Variants in TYR observed in about 807,000 individuals in gnomAD.
TYR encodes tyrosinase, also known as LB24-AB.
A neutral mutation model predicts 51.5 loss-of-function variants in TYR; 58 were observed. The ratio of observed to expected loss-of-function variants is 1.13; its 90% CI spans 0.91 to 1.40. The LOEUF (loss-of-function observed/expected upper bound fraction) is 1.40. Ranked by LOEUF, TYR falls within the 40% of genes most tolerant of loss-of-function variation. The pLI is 0.00. For synonymous variants in TYR, 263 were observed against 235.2 expected (o/e 1.12, Z -1.08); for missense variants, 732 against 647.4 (o/e 1.13, Z -1.42).
At chr11:89,192,382 G>C (rs1390639122) in intron 2 of TYR, among the ~76,000 whole-genome samples, 2 of 152,028 alleles carry the variant, frequency 1.3e-5, no homozygotes, top group African/African-American at 4.8e-5. Flanking sequence ...ACTGACTTGT[G>C]GCAAGGCAGA....
chr11:89,242,878 G>C (rs1417205292), intron 3 of TYR, among the ~76,000 whole-genome samples: 1 of 152,186 alleles, frequency 6.6e-6, no homozygotes, highest in East Asian at 1.9e-4. Context: ...AGGGAGCATA[G>C]TGTGGTAATG....
chr11:89,219,789 T>C (rs1413545242), intron 2 of TYR, among the ~76,000 whole-genome samples: 1 of 152,144 alleles, frequency 6.6e-6, no homozygotes, highest in Non-Finnish European at 1.5e-5. Flanking sequence ...CCTGGAGTCC[T>C]GTGATAGGAA....
intron 3 of TYR, among the ~76,000 whole-genome samples, chr11:89,255,987 C>T (rs1944386602): frequency 6.6e-6 from 1 of 151,488 alleles, no homozygotes; most frequent in African/African-American, 2.4e-5. Context: ...TAAACAGTGG[C>T]ATTTTACTTC....
intron 3 of TYR, among the ~76,000 whole-genome samples, chr11:89,281,842 A>G (rs1452058854): frequency 6.6e-6 from 1 of 151,682 alleles, no homozygotes; most frequent in Non-Finnish European, 1.5e-5. Context: ...ACATTTTTCT[A>G]ATTTTTCTGT....
intron 2 of TYR, chr11:89,200,583 T>G (rs1295522012): frequency 6.6e-6 from 1 of 152,100 alleles, no homozygotes; most frequent in African/African-American, 2.4e-5. Flanking sequence ...AAAAAGATCT[T>G]GCATATTTGT....
chr11:89,212,468 C>T (rs987016302), intron 2 of TYR, among the ~76,000 whole-genome samples: 8 of 152,072 alleles, frequency 5.3e-5, no homozygotes, highest in African/African-American at 1.9e-4. Context: ...TAAAAAAAGT[C>T]CAGGATCAGA....
At chr11:89,226,698 G>A (rs550721489) in intron 2 of TYR, among the ~76,000 whole-genome samples, 24 of 152,224 alleles carry the variant, frequency 1.6e-4, no homozygotes, top group African/African-American at 5.3e-4. Flanking sequence ...AGTTCTACTT[G>A]TATGAAATAA....
intron 3 of TYR, among the ~76,000 whole-genome samples, chr11:89,236,601 C>T (rs1944117540): frequency 6.6e-6 from 1 of 152,134 alleles, no homozygotes; most frequent in African/African-American, 2.4e-5. Flanking sequence ...TGGGTTACCA[C>T]AGAATATTGT....
At chr11:89,271,786 AGAT>A (rs1944591812) in intron 3 of TYR, among the ~76,000 whole-genome samples, 4 of 151,968 alleles carry the variant, frequency 2.6e-5, no homozygotes, top group Admixed American at 2.6e-4. Flanking sequence ...GTACTTTATT[AGAT>A]AAGTTTATAG....
intron 4 of TYR, among the ~76,000 whole-genome samples, chr11:89,292,960 T>C (rs1416524290): frequency 2.0e-5 from 3 of 151,620 alleles, no homozygotes; most frequent in Non-Finnish European, 2.9e-5. Flanking sequence ...GTCCATTAAA[T>C]TAAGTCTTGT....
At chr11:89,217,642 G>A (rs1943849740) in intron 2 of TYR, among the ~76,000 whole-genome samples, 1 of 152,092 alleles carries the variant, frequency 6.6e-6, no homozygotes, top group Non-Finnish European at 1.5e-5. Flanking sequence ...ATGTGTCTTG[G>A]GTGTTTCTGT....
At chr11:89,180,568 G>A (rs1439101107) in intron 1 of TYR, among the ~76,000 whole-genome samples, 1 of 151,462 alleles carries the variant, frequency 6.6e-6, no homozygotes, top group Non-Finnish European at 1.5e-5. Flanking sequence ...AAAAAAAAGT[G>A]TGTCAAGTCA....
chr11:89,237,242 G>A (rs186485376), intron 3 of TYR, among the ~76,000 whole-genome samples: 9 of 151,818 alleles, frequency 5.9e-5, no homozygotes, highest in Non-Finnish European at 1.2e-4. Flanking sequence ...TATTTTCGTT[G>A]CCTGTGCTTT....
intron 4 of TYR, among the ~76,000 whole-genome samples, chr11:89,289,380 G>T (rs1256224259): frequency 6.6e-6 from 1 of 151,950 alleles, no homozygotes; most frequent in Non-Finnish European, 1.5e-5. Flanking sequence ...GTTCTTTTCT[G>T]CCTAGGATGG....
chr11:89,221,949 A>G (rs1226190058), intron 2 of TYR, among the ~76,000 whole-genome samples: 1 of 152,214 alleles, frequency 6.6e-6, no homozygotes, highest in East Asian at 1.9e-4. Context: ...ATCTTCCTCA[A>G]AGGAAAGATA....
intron 3 of TYR, among the ~76,000 whole-genome samples, chr11:89,232,915 G>C (rs1284302428): frequency 7.0e-6 from 1 of 142,990 alleles, no homozygotes; most frequent in Non-Finnish European, 1.5e-5. Context: ...GCTGCTGAAT[G>C]ATGAGGGTGA....
In TYR at chr11:89,227,924, T is replaced by A; in HGVS notation, c.1138T>A (p.Ser380Thr). Residue 380 changes from serine (S) to threonine (T), a missense_variant, in exon 3 of 5, where the codon TCT (serine) becomes ACT (threonine). Coordinates refer to ENST00000263321, the MANE Select transcript of TYR (RefSeq NM_000372.5). ...MNGTMSQVQG[S>T]ANDPIFLLHH... is the part of the protein sequence containing the mutation. ...TGGAACAATGTCCCAGGTACAGGGA[T>A]CTGCCAACGATCCTATCTTCCTTCT... The A allele has an allele frequency of 6.2e-7, 1 of 1,613,710 alleles. No homozygotes were observed. The highest frequency in any genetic ancestry group is 8.5e-7 in the Non-Finnish European group (1 of 1,179,744).
intron 2 of TYR, among the ~76,000 whole-genome samples, chr11:89,207,450 A>G (rs1267210813): frequency 6.6e-6 from 1 of 152,150 alleles, no homozygotes; most frequent in African/African-American, 2.4e-5. Context: ...AGCCCTATAA[A>G]TGTAAAGGAA....
At chr11:89,256,209 CT>C in intron 3 of TYR, among the ~76,000 whole-genome samples, 1 of 151,672 alleles carries the variant, frequency 6.6e-6, no homozygotes, top group Non-Finnish European at 1.5e-5. Context: ...TATTGAAAAA[CT>C]TACAAATATT....
Sources: allele counts gnomAD v4.1 joint callset (sites outside exome capture counted in the v4.1 genomes callset), GRCh38; gene constraint gnomAD v4.1.1; transcripts MANE v1.5; gene names NCBI Gene and HGNC (gene_info 2026-07-23, HGNC 2026-07-21).